The following CEACAM21 variants were observed in gnomAD, a reference collection of about 807,000 sequenced individuals.
CEACAM21 encodes the protein cell adhesion molecule CEACAM21.
Under a neutral mutation model 33.2 loss-of-function variants are expected in CEACAM21, and 38 were observed. That is an observed-to-expected ratio of 1.14 (90% CI 0.88 to 1.50). The LOEUF is 1.50. Ranked by LOEUF, CEACAM21 falls within the 40% of genes most tolerant of loss-of-function variation. The pLI is 0.00. For synonymous variants in CEACAM21, 156 were observed against 143.0 expected (o/e 1.09, Z -0.65); for missense variants, 385 against 364.6 (o/e 1.06, Z -0.46).
Position 41,584,479 on chromosome 19 carries a change from C to T in CEACAM21, c.797+36C>T, listed in dbSNP as rs1568622086. On this transcript the variant is annotated intron_variant, in intron 4 of 6. Coordinates refer to ENST00000401445, the MANE Select transcript of CEACAM21 (RefSeq NM_001098506.4). ...TTTTCCCCATTCTGCTCCCATCCTT[C>T]ACGCTGACCCCAGGCGAGAAGGAAG... 4 of 1,555,942 alleles carry T rather than the reference C, an allele frequency of 2.6e-6. No individual in the cohort carries two copies. In the South Asian group the frequency reaches 3.5e-5, roughly 14 times the overall value.
rs2041328818 is a variant in CEACAM21, at chr19:41,553,200, G to A, written c.-779+3648G>A. ...TGAAGTGGCACGATCTTGACTCACT[G>A]TAACCTCCGCTTCCCTGCCTCAGCC... On this transcript the variant is annotated intron_variant, in intron 1 of 7. Coordinates refer to the CEACAM21 transcript ENST00000407170. 2.0e-5 allele frequency among the ~76,000 whole-genome samples: 3 copies of A among 151,972 alleles called. No homozygotes were observed. In the South Asian group the frequency reaches 6.2e-4, roughly 31 times the overall value.
chr19:41,550,533 G>C (rs2041143898), intron 1 of CEACAM21: 1 of 152,234 alleles, frequency 6.6e-6, no homozygotes, highest in Non-Finnish European at 1.5e-5. Flanking sequence ...CACTTTGGGA[G>C]GCTGAGATGG....
chr19:41,562,574 G>A (rs1390936972), intron 1 of CEACAM21, among the ~76,000 whole-genome samples: 1 of 152,008 alleles, frequency 6.6e-6, no homozygotes, highest in Non-Finnish European at 1.5e-5. Context: ...CCAAAAACAT[G>A]AGAGAAATAA....
chr19:41,584,352 G>T lies in CEACAM21; in HGVS notation c.706G>T (p.Asp236Tyr), dbSNP rs782495486. The T allele has an allele frequency of 1.9e-6, 3 of 1,610,694 alleles. No homozygotes were observed. The highest frequency in any genetic ancestry group is 2.2e-5 in the South Asian group (2 of 90,442). Residue 236 changes from aspartate (D) to tyrosine (Y), a missense_variant, in exon 4 of 7, where the codon GAC becomes TAC. Physicochemically the swap from Asp to Tyr is radical, Grantham distance 160. Coordinates refer to ENST00000401445, the MANE Select transcript of CEACAM21 (RefSeq NM_001098506.4). Reference protein sequence around the residue: ...DPLKLTVKSDDNTLGILIGVL... With the variant: ...DPLKLTVKSDYNTLGILIGVL... Reference sequence around the variant, plus strand: ...CCTTTGCCTTCTTCTTTCAGCAGATGACAACACTCTAGGCATCCTGATCGG... The same window carrying T: ...CCTTTGCCTTCTTCTTTCAGCAGATTACAACACTCTAGGCATCCTGATCGG...
intron 2 of CEACAM21, among the ~76,000 whole-genome samples, chr19:41,569,643 T>C (rs1555789013): frequency 1.3e-5 from 2 of 151,982 alleles, no homozygotes; most frequent in Non-Finnish European, 2.9e-5. Context: ...TTGCAGCAGC[T>C]GCACAAATAG....
At chr19:41,570,241 G>A (rs2042516701) in intron 2 of CEACAM21, among the ~76,000 whole-genome samples, 1 of 152,192 alleles carries the variant, frequency 6.6e-6, no homozygotes, top group Non-Finnish European at 1.5e-5. Flanking sequence ...ACAGACCTGA[G>A]GAGCCTCAGT....
chr19:41,572,935 A>G (rs1256256645), upstream of CEACAM21, among the ~76,000 whole-genome samples: 1 of 152,170 alleles, frequency 6.6e-6, no homozygotes, highest in African/African-American at 2.4e-5. Flanking sequence ...AATCTGGTGA[A>G]GGCAGATGGG....
chr19:41,586,555 G>A lies in CEACAM21; in HGVS notation c.*92G>A, dbSNP rs1555795670. ...GTTCCTCTGGGAGCTGCTCCTGTGG[G>A]TTGATGGAGCGTCCCTGAAGCCCCC... On this transcript the variant is annotated 3_prime_UTR_variant, in exon 7 of 7. Coordinates refer to ENST00000401445, the MANE Select transcript of CEACAM21 (RefSeq NM_001098506.4). 1.6e-6 allele frequency: 1 copy of A among 627,184 alleles called. No individual in the cohort carries two copies. The highest frequency in any genetic ancestry group is 1.8e-5 in the Admixed American group (1 of 54,430). The allele number at this position is 627,184 out of a possible 1,614,324, so 38.9% of individuals were successfully genotyped here.
At chr19:41,581,432 C>T (rs1181774605) in intron 3 of CEACAM21, among the ~76,000 whole-genome samples, 1 of 152,210 alleles carries the variant, frequency 6.6e-6, no homozygotes, top group Non-Finnish European at 1.5e-5. Flanking sequence ...GCTCTCAGCT[C>T]TGAAGCCTGT....
chr19:41,582,197 T>C (rs2043449688), intron 3 of CEACAM21, among the ~76,000 whole-genome samples: 1 of 152,232 alleles, frequency 6.6e-6, no homozygotes, highest in Non-Finnish European at 1.5e-5. Context: ...TGAAATGATC[T>C]CCTTTGTATC....
At chr19:41,553,427 A>G (rs2041345024) in intron 1 of CEACAM21, among the ~76,000 whole-genome samples, 1 of 152,076 alleles carries the variant, frequency 6.6e-6, no homozygotes. Flanking sequence ...TTTACTAAAG[A>G]CAAATTACGA....
intron 2 of CEACAM21, among the ~76,000 whole-genome samples, chr19:41,568,656 T>C (rs542240638): frequency 6.6e-6 from 1 of 152,356 alleles, no homozygotes; most frequent in East Asian, 1.9e-4. Flanking sequence ...TGCTTGTTTT[T>C]ATGCCAGGAC....
intron 1 of CEACAM21, among the ~76,000 whole-genome samples, chr19:41,562,804 G>C (rs1555787197): frequency 1.3e-5 from 2 of 151,894 alleles, no homozygotes; most frequent in African/African-American, 2.4e-5. Flanking sequence ...TCTCGGCGCA[G>C]TGCAAGCTCC....
In CEACAM21 at chr19:41,579,647, C is replaced by T; in HGVS notation, c.700+19C>T. 1.4e-6 allele frequency: 2 copies of T among 1,476,096 alleles called. No individual in the cohort carries two copies. The highest frequency in any genetic ancestry group is 1.8e-6 in the Non-Finnish European group (2 of 1,091,932). The allele number at this position is 1,476,096 out of a possible 1,614,324, so 91.4% of individuals were successfully genotyped here. ...GTAAAATGTGAGTGACCCTCGGCCC[C>T]TCTCACTCCTTTCCTTGTATATTTT... is the stretch of plus-strand genomic sequence containing the variant. On this transcript the variant is annotated intron_variant, in intron 3 of 6. Transcript: ENST00000401445.
intron 2 of CEACAM21, among the ~76,000 whole-genome samples, chr19:41,570,812 TG>T (rs2042555276): frequency 6.6e-6 from 1 of 152,050 alleles, no homozygotes; most frequent in Non-Finnish European, 1.5e-5. Flanking sequence ...CGCCATCTAG[TG>T]GGCGCCTCCT....
At chr19:41,577,680 G>C (rs1315522803) in intron 2 of CEACAM21, 121 bp downstream of exon 2, 7 of 1,416,324 alleles carry the variant, frequency 4.9e-6, no homozygotes, top group Non-Finnish European at 6.8e-6. Context: ...TGGGGTTTGG[G>C]CATTTAGTGC....
intron 2 of CEACAM21, among the ~76,000 whole-genome samples, chr19:41,566,937 G>A (rs1177203356): frequency 6.6e-6 from 1 of 151,856 alleles, no homozygotes; most frequent in African/African-American, 2.4e-5. Context: ...AAAATATATT[G>A]GTACAGCTAT....
At chr19:41,578,170 C>T (rs1448915883) in intron 2 of CEACAM21, among the ~76,000 whole-genome samples, 1 of 152,186 alleles carries the variant, frequency 6.6e-6, no homozygotes, top group Non-Finnish European at 1.5e-5. Flanking sequence ...GACAAACAAA[C>T]TTCCCAGGCC....
chr19:41,562,932 G>A (rs1242387775), intron 1 of CEACAM21, among the ~76,000 whole-genome samples: 2 of 152,124 alleles, frequency 1.3e-5, no homozygotes, highest in African/African-American at 4.8e-5. Context: ...GTTTCACTGT[G>A]TTAGCCAGGA....
Sources: allele counts gnomAD v4.1 joint callset (sites outside exome capture counted in the v4.1 genomes callset), GRCh38; gene constraint gnomAD v4.1.1; transcripts MANE v1.5; gene names NCBI Gene and HGNC (gene_info 2026-07-23, HGNC 2026-07-21).